The following NOX5 variants were observed in gnomAD, a reference collection of about 807,000 sequenced individuals.
NOX5 encodes NADPH oxidase 5, also known as NADPH oxidase, EF-hand calcium binding domain 5.
NOX5 carries 76 observed loss-of-function variants against 85.7 expected under a neutral mutation model. The ratio of observed to expected loss-of-function variants is 0.89; its 90% CI spans 0.74 to 1.07. The LOEUF is 1.07. Ranked by LOEUF, NOX5 falls within the 50% of genes least tolerant of loss-of-function variation. NOX5 has a pLI of 0.00. For missense variants in NOX5, 973 were observed against 999.5 expected, an observed-to-expected ratio of 0.97 and a Z score of 0.36; for synonymous variants, 405 against 401.4, an observed-to-expected ratio of 1.01 and a Z score of -0.11.
chr15:69,032,052 C>G (rs1179954586), intron 4 of NOX5, among the ~76,000 whole-genome samples: 1 of 152,214 alleles, frequency 6.6e-6, no homozygotes, highest in Non-Finnish European at 1.5e-5. Flanking sequence ...AGCACTTTTG[C>G]ATATACCAGT....
intron 2 of NOX5, 37 bp from the exon 3 acceptor site, chr15:69,028,178 C>T (rs1567095339): frequency 6.5e-7 from 1 of 1,547,144 alleles, no homozygotes; most frequent in Admixed American, 1.9e-5. Flanking sequence ...GGCCCTGCGG[C>T]CACAGTTGTG....
intron 9 of NOX5, among the ~76,000 whole-genome samples, chr15:69,039,234 A>G (rs934522577): frequency 1.3e-5 from 2 of 152,180 alleles, no homozygotes; most frequent in African/African-American, 4.8e-5. Context: ...TTGCAGACAC[A>G]GGGGCATTCA....
At chr15:69,048,854 C>A in intron 13 of NOX5, 105 bp from the exon 14 acceptor site, 1 of 714,164 alleles carries the variant, frequency 1.4e-6, no homozygotes. Context: ...TCTGAATGTT[C>A]CCTGCTTACT....
At chr15:69,029,754 A>C (rs1475482991) in intron 3 of NOX5, 1 of 150,878 alleles carries the variant, frequency 6.6e-6, no homozygotes. Flanking sequence ...ATCTCAGCTC[A>C]TTGCAGCCTC....
chr15:69,036,983 C>G (rs371232013), intron 7 of NOX5, 45 bp from the exon 8 acceptor site: 22 of 1,525,568 alleles, frequency 1.4e-5, no homozygotes, highest in Non-Finnish European at 6.3e-6. Flanking sequence ...TTCCACCCCC[C>G]AGGCCTTGAG....
At chr15:69,032,895 C>A (rs1452756772) in intron 4 of NOX5, 148 bp from the exon 5 acceptor site, 3 of 1,084,602 alleles carry the variant, frequency 2.8e-6, no homozygotes, top group African/African-American at 3.3e-5. Context: ...TGTGACCAAG[C>A]CACTTGACCT....
rs764548905 is a variant in NOX5 at position 69,033,137 on chromosome 15, C to A, written c.715C>A (p.Leu239Met). The change falls in exon 5 of 16, where the codon CTG becomes ATG. Residue 239 changes from leucine (L) to methionine (M), a missense_variant. Coordinates refer to ENST00000388866, the MANE Select transcript of NOX5 (RefSeq NM_024505.4). ...CTACTGGCACAACCACCGCAGCCAG[C>A]TGTTCTGCCTGGCCACCTATGCAGG... ...RAYWHNHRSQ[L>M]FCLATYAGLH... is the part of the protein sequence containing the mutation. 174 of 1,569,486 alleles carry A rather than the reference C, an allele frequency of 1.1e-4. 2 individuals carry two copies. Among genetic ancestry groups the A allele is most frequent in the Non-Finnish European group, 1.4e-4 (166 of 1,164,070 alleles).
At chr15:69,051,536 T>A (rs372798467) in intron 14 of NOX5, among the ~76,000 whole-genome samples, 1 of 152,100 alleles carries the variant, frequency 6.6e-6, no homozygotes, top group African/African-American at 2.4e-5. Flanking sequence ...TGCGCCACCA[T>A]GCCCAGCTAA....
intron 1 of NOX5, among the ~76,000 whole-genome samples, chr15:69,015,735 G>A (rs1414694088): frequency 6.6e-6 from 1 of 152,194 alleles, no homozygotes; most frequent in Non-Finnish European, 1.5e-5. Context: ...TTTGGGCCGT[G>A]GAGGGCTGCC....
Position 69,042,788 on chromosome 15 carries a change from A to C in NOX5, c.1630A>C (p.Ser544Arg). 6.2e-7 allele frequency: 1 copy of C among 1,614,026 alleles called. No homozygotes were observed. The highest frequency in any genetic ancestry group is 8.5e-7 in the Non-Finnish European group (1 of 1,179,978). Residue 544 changes from serine (S) to arginine (R), a missense_variant, in exon 10 of 16, where the codon AGT (serine) becomes CGT (arginine). Coordinates refer to ENST00000388866, the MANE Select transcript of NOX5 (RefSeq NM_024505.4). The stretch of plus-strand genomic sequence containing the variant: ...GTCGAGGAGTGTGACAATGAGAAAG[A>C]GTCAAAGGTCGTCCAAGGTAGGTGG... ...RLSRSVTMRK[S>R]QRSSKGSEIL...
chr15:69,049,168 T>A, intron 14 of NOX5, 110 bp downstream of exon 14: 1 of 609,028 alleles, frequency 1.6e-6, no homozygotes, highest in Non-Finnish European at 2.7e-6. Flanking sequence ...ATGAACCATT[T>A]AACCATTAAA....
Position 69,031,557 on chromosome 15 carries a change from G to A in NOX5, c.365G>A (p.Gly122Asp). 1 of 1,612,152 alleles carries A rather than the reference G, an allele frequency of 6.2e-7. No individual in the cohort carries two copies. The part of the protein sequence containing the change: ...RQGASAGTEW[G>D]AGAGPHWASS... ...GGGGCGTCTGCAGGTACAGAGTGGGGTGCTGGGGCAGGCCCGCACTGGGCT... is the reference window on the plus strand; with the variant it reads ...GGGGCGTCTGCAGGTACAGAGTGGGATGCTGGGGCAGGCCCGCACTGGGCT... Residue 122 changes from glycine to aspartate, a missense_variant, in exon 4 of 16, where the codon GGT becomes GAT. By Grantham distance (94) the Gly-to-Asp change is moderately conservative (BLOSUM62 -1). Transcript: ENST00000388866.
chr15:69,021,231 C>A (rs1268685308), intron 1 of NOX5, among the ~76,000 whole-genome samples: 1 of 152,058 alleles, frequency 6.6e-6, no homozygotes, highest in East Asian at 1.9e-4. Flanking sequence ...TTTCTATGAT[C>A]TAAGATGGTT....
intron 5 of NOX5, 73 bp downstream of exon 5, chr15:69,033,350 G>A: frequency 6.8e-7 from 1 of 1,478,444 alleles, no homozygotes; most frequent in Non-Finnish European, 9.0e-7. Context: ...TAGACAGAGC[G>A]ACCCACAGAG....
At chr15:69,047,967 A>G in intron 13 of NOX5, 56 bp downstream of exon 13, 1 of 1,501,388 alleles carries the variant, frequency 6.7e-7, no homozygotes, top group South Asian at 1.1e-5. Context: ...GACAACTCCT[A>G]AAATAGGAGC....
rs1252099768 is a variant in NOX5, at chr15:69,061,708, C to T, written c.*5012C>T. The T allele has an allele frequency of 2.0e-5, 3 of 152,238 alleles. No homozygotes were observed. Among genetic ancestry groups the T allele is most frequent in the African/African-American group, 7.2e-5 (3 of 41,472 alleles). 9.4% of individuals were successfully genotyped at this position (152,238 alleles called of 1,614,324 possible). ...TCTCAAGGAAGCTTCCAGCCTCCAA[C>T]CTTAGCCACCCAGCCATGGCCCCAA... On this transcript the variant is annotated 3_prime_UTR_variant, in exon 16 of 16. Coordinates refer to ENST00000388866, the MANE Select transcript of NOX5 (RefSeq NM_024505.4).
At chr15:69,028,392 G>T in intron 3 of NOX5, 27 bp downstream of exon 3, 1 of 1,552,280 alleles carries the variant, frequency 6.4e-7, no homozygotes, top group Non-Finnish European at 8.7e-7. Context: ...GGTGTGGGCT[G>T]GGGTGGGGAG....
intron 10 of NOX5, among the ~76,000 whole-genome samples, chr15:69,043,856 A>G (rs2050627829): frequency 6.6e-6 from 1 of 152,234 alleles, no homozygotes; most frequent in Non-Finnish European, 1.5e-5. Flanking sequence ...GTATACCTAC[A>G]CACCCAGCAA....
Position 69,055,486 on chromosome 15 carries a change from C to T in NOX5, c.2152C>T (p.Pro718Ser). Residue 718 changes from proline (P) to serine (S), a missense_variant, in exon 15 of 16, where the codon CCT (proline) becomes TCT (serine). Physicochemically the swap from Pro to Ser is moderately conservative, Grantham distance 74. Transcript: ENST00000388866. ...GCAGACGCGCACCCAGCCTGGGCGG[C>T]CTGACTGGAGCAAGGTAATGCCAAC... The part of the protein sequence containing the change: ...GLQTRTQPGR[P>S]DWSKVFQKVA... The T allele has an allele frequency of 6.2e-7, 1 of 1,613,900 alleles. No individual in the cohort carries two copies. The highest frequency in any genetic ancestry group is 8.5e-7 in the Non-Finnish European group (1 of 1,179,980).
Sources: allele counts gnomAD v4.1 joint callset (sites outside exome capture counted in the v4.1 genomes callset), GRCh38; gene constraint gnomAD v4.1.1; transcripts MANE v1.5; gene names NCBI Gene and HGNC (gene_info 2026-07-23, HGNC 2026-07-21).